Variants in BRWD3 observed in about 807,000 individuals in gnomAD.
The protein encoded by BRWD3 is bromodomain and WD repeat domain containing 3, also known as bromodomain and WD repeat-containing protein 3.
In BRWD3, 10 loss-of-function variants were observed where a neutral mutation model predicts 149.7. The ratio of observed to expected loss-of-function variants is 0.07; its 90% CI spans 0.04 to 0.11. BRWD3 has a LOEUF of 0.11. BRWD3 is among the 10% of genes least tolerant of loss of function. The pLI is 1.00. For synonymous variants in BRWD3, 504 were observed against 456.7 expected, an observed-to-expected ratio of 1.10 and a Z score of -1.32; for missense variants, 940 against 1,373.2, an observed-to-expected ratio of 0.68 and a Z score of 4.99.
intron 17 of BRWD3, among the ~76,000 whole-genome samples, chrX:80,720,294 A>G (rs112614608): frequency 0.019 from 2,173 of 111,563 alleles, 56 homozygotes; most frequent in African/African-American, 0.067. Context: ...TAACAGCTCC[A>G]TATTGCCCCG....
intron 8 of BRWD3, among the ~76,000 whole-genome samples, chrX:80,743,139 A>T (rs1426686734): frequency 8.9e-6 from 1 of 111,901 alleles, no homozygotes; most frequent in Non-Finnish European, 1.9e-5. Context: ...CCTTTTCTGC[A>T]TCTATTGAGA....
At chrX:80,730,070 C>CT (rs35140864) in intron 12 of BRWD3, 50 bp from the exon 13 acceptor site, 57 of 900,574 alleles carry the variant, frequency 6.3e-5, no homozygotes, top group Admixed American at 5.1e-4. Flanking sequence ...ATGTAAATCA[C>CT]TTTTTTTTGA....
chrX:80,797,909 C>T (rs898420056), intron 4 of BRWD3, among the ~76,000 whole-genome samples: 3 of 110,336 alleles, frequency 2.7e-5, no homozygotes, highest in Admixed American at 9.8e-5. Context: ...TCCTGGCTAA[C>T]ACAGTGAAAC....
chrX:80,738,903 G>T (rs1219746018), intron 8 of BRWD3, among the ~76,000 whole-genome samples: 1 of 111,860 alleles, frequency 8.9e-6, no homozygotes, highest in Non-Finnish European at 1.9e-5. Flanking sequence ...CAAGGAGGCT[G>T]AGAATACAGA....
At chrX:80,729,857 T>C in intron 13 of BRWD3, 59 bp downstream of exon 13, 2 of 790,924 alleles carry the variant, frequency 2.5e-6, no homozygotes, top group Admixed American at 2.2e-5. Context: ...ATATTCACTA[T>C]TAAACTCAAT....
Position 80,707,516 on chromosome X carries a change from G to A in BRWD3, c.2476-13C>T. ...CAGTTTCATCTTCCTACAACAAAGA[G>A]CCAGCAATTAAGATATATGGATATT... On this transcript the variant is annotated splice_polypyrimidine_tract_variant and intron_variant, in intron 21 of 40. Transcript: ENST00000373275. 1 of 1,198,745 alleles carries A rather than the reference G, an allele frequency of 8.3e-7. No homozygotes were observed. Among genetic ancestry groups the A allele is most frequent in the South Asian group, 1.8e-5 (1 of 56,445 alleles).
chrX:80,717,581 C>A lies in BRWD3; in HGVS notation c.2223G>T (p.Gly741=). 1 of 1,209,395 alleles carries A rather than the reference C, an allele frequency of 8.3e-7. No homozygotes were observed. Among genetic ancestry groups the A allele is most frequent in the Non-Finnish European group, 1.1e-6 (1 of 893,655 alleles). The change falls in exon 19 of 41, where the codon GGG becomes GGT. Residue 741 remains glycine, a synonymous_variant. Transcript: ENST00000373275. ...TTACCTTATTGACTCACCTACTAAC[C>A]CCATTATTTAGTTCATTGACCACCA... ...RRVVVNELNN[G]VSRVQEECRT... is the part of the protein sequence containing the mutation.
intron 6 of BRWD3, among the ~76,000 whole-genome samples, chrX:80,751,118 G>GGA (rs2073660933): frequency 9.0e-6 from 1 of 110,923 alleles, no homozygotes; most frequent in African/African-American, 3.3e-5. Flanking sequence ...TGAGGAAAGG[G>GGA]GAGATGCTGA....
chrX:80,733,222 A>G (rs2073358855), intron 12 of BRWD3: 2 of 319,998 alleles, frequency 6.3e-6, no homozygotes, highest in South Asian at 1.6e-4. Flanking sequence ...ACAGAAATAG[A>G]GCAAAATAAA....
chrX:80,720,655 AG>A (rs965125580), intron 17 of BRWD3, among the ~76,000 whole-genome samples: 2 of 111,882 alleles, frequency 1.8e-5, no homozygotes, highest in African/African-American at 6.5e-5. Flanking sequence ...ATATACATTT[AG>A]TGTAGCCTAA....
rs550844589 is a variant in BRWD3 at position 80,697,108 on chromosome X, C to T, written c.2944-245G>A. Reference sequence around the variant, plus strand: ...GGGAAATGCTTCAAATTTAATGATCCGAAATCCTACACCTATAGAATCAAA... The same window carrying T: ...GGGAAATGCTTCAAATTTAATGATCTGAAATCCTACACCTATAGAATCAAA... On this transcript the variant is annotated intron_variant, in intron 25 of 40. Transcript: ENST00000373275. Among the ~76,000 whole-genome samples the T allele has an allele frequency of 5.4e-5, 6 of 110,284 alleles. No homozygotes were observed. The South Asian group carries it at 1.2e-3, about 21-fold the overall frequency.
intron 4 of BRWD3, 143 bp from the exon 5 acceptor site, chrX:80,793,915 A>C: frequency 9.3e-6 from 6 of 643,219 alleles, no homozygotes; most frequent in Non-Finnish European, 1.4e-5. Context: ...GCGATGGCTC[A>C]CGCCTGTAAT....
At chrX:80,758,018 G>A (rs779797139) in intron 6 of BRWD3, among the ~76,000 whole-genome samples, 68 of 111,249 alleles carry the variant, frequency 6.1e-4, no homozygotes, top group Non-Finnish European at 1.0e-3. Flanking sequence ...TGACCAACAC[G>A]GTGAAACCCC....
At chrX:80,779,812 C>T (rs2074038717) in intron 6 of BRWD3, among the ~76,000 whole-genome samples, 1 of 111,626 alleles carries the variant, frequency 9.0e-6, no homozygotes, top group Admixed American at 9.5e-5. Flanking sequence ...AAAACCTTAA[C>T]CAGCAATAGT....
At chrX:80,733,213 CAGAAAT>C (rs759195409) in intron 12 of BRWD3, 1 of 291,664 alleles carries the variant, frequency 3.4e-6, no homozygotes, top group Admixed American at 6.0e-5. Context: ...TGGGTGCTAA[CAGAAAT>C]AGAGCAAAAT....
chrX:80,784,476 T>C (rs2074088745), intron 6 of BRWD3, among the ~76,000 whole-genome samples: 1 of 111,430 alleles, frequency 9.0e-6, no homozygotes, highest in Non-Finnish European at 1.9e-5. Context: ...TTTGCTGCAC[T>C]TAACCCGTCA....
intron 27 of BRWD3, 50 bp from the exon 28 acceptor site, chrX:80,693,101 T>C: frequency 1.0e-6 from 1 of 964,882 alleles, no homozygotes. Flanking sequence ...ATATTAGCTC[T>C]GTTCCCACTC....
intron 12 of BRWD3, among the ~76,000 whole-genome samples, chrX:80,731,804 A>G (rs1469588359): frequency 9.7e-6 from 1 of 102,769 alleles, no homozygotes; most frequent in African/African-American, 3.6e-5. Flanking sequence ...CTGAGGCAGG[A>G]GAATGGCGTG....
chrX:80,754,737 T>G (rs1263387743), intron 6 of BRWD3, among the ~76,000 whole-genome samples: 2 of 112,508 alleles, frequency 1.8e-5, no homozygotes, highest in African/African-American at 6.5e-5. Flanking sequence ...CCGGGCATGG[T>G]GGCTCACGCC....
Sources: gnomAD v4.1 joint callset for allele counts (sites outside exome capture counted in the v4.1 genomes callset) on GRCh38, gnomAD v4.1.1 for gene constraint, MANE v1.5 for transcripts, NCBI Gene and HGNC (gene_info 2026-07-23, HGNC 2026-07-21) for gene names.